The following WSCD2 variants were observed in gnomAD, a reference collection of about 807,000 sequenced individuals.
The protein encoded by WSCD2 is sialate:O-sulfotransferase 2.
WSCD2 carries 28 observed loss-of-function variants against 55.7 expected under a neutral mutation model. The ratio of observed to expected loss-of-function variants is 0.50; its 90% CI spans 0.37 to 0.69. The LOEUF (loss-of-function observed/expected upper bound fraction) is 0.69, where lower values mean the gene tolerates loss of function less well. Ranked by LOEUF, WSCD2 falls within the 30% of genes least tolerant of loss-of-function variation. The probability of loss-of-function intolerance (pLI) is 0.00; values close to 1 mark genes in which losing one functional copy is unlikely to be tolerated. For missense variants in WSCD2, 616 were observed against 762.1 expected, an observed-to-expected ratio of 0.81 and a Z score of 2.26; for synonymous variants, 301 against 301.9, an observed-to-expected ratio of 1.00 and a Z score of 0.03.
At chr12:108,229,148 C>G (rs1190149541) in intron 6 of WSCD2, among the ~76,000 whole-genome samples, 1 of 152,174 alleles carries the variant, frequency 6.6e-6, no homozygotes, top group Non-Finnish European at 1.5e-5. Flanking sequence ...GGAGGTTTGA[C>G]AGTTATGTGG....
chr12:108,220,211 TCTCTTCTTTATAATG>T (rs1261863610), intron 4 of WSCD2, among the ~76,000 whole-genome samples: 3 of 152,252 alleles, frequency 2.0e-5, no homozygotes, highest in Non-Finnish European at 4.4e-5. Flanking sequence ...GCACCTGTTT[TCTCTTCTTTATAATG>T]GAGAGAATGA....
At chr12:108,211,283 A>C (rs1159987233) in intron 4 of WSCD2, among the ~76,000 whole-genome samples, 1 of 152,256 alleles carries the variant, frequency 6.6e-6, no homozygotes, top group Non-Finnish European at 1.5e-5. Context: ...GGACAGAAGC[A>C]GAAATCCACA....
At chr12:108,192,269 G>T (rs982698902) in intron 1 of WSCD2, among the ~76,000 whole-genome samples, 7 of 152,194 alleles carry the variant, frequency 4.6e-5, no homozygotes, top group Non-Finnish European at 8.8e-5. Flanking sequence ...TTTTAGGGGA[G>T]AAGTCAAGAT....
chr12:108,219,582 C>T (rs1028184248), intron 4 of WSCD2, among the ~76,000 whole-genome samples: 1 of 152,222 alleles, frequency 6.6e-6, no homozygotes, highest in Non-Finnish European at 1.5e-5. Flanking sequence ...AATGCACAGA[C>T]ACACACAAAC....
chr12:108,133,857 A>G (rs1353598476), intron 1 of WSCD2, among the ~76,000 whole-genome samples: 1 of 152,232 alleles, frequency 6.6e-6, no homozygotes, highest in East Asian at 1.9e-4. Flanking sequence ...GTATAATTTT[A>G]GGCAGAAGGT....
chr12:108,138,509 T>C (rs949572025), intron 1 of WSCD2, among the ~76,000 whole-genome samples: 5 of 152,172 alleles, frequency 3.3e-5, no homozygotes, highest in African/African-American at 1.2e-4. Context: ...ATGGCAATAA[T>C]ACCTACCTCA....
Position 108,142,542 on chromosome 12 carries a change from G to A in WSCD2, c.-552+12616G>A, listed in dbSNP as rs192004247. ...TGGATAATTTACTTCAATCTCCTTG[G>A]CCTCTGATTCCTCATATACATGAGT... On this transcript the variant is annotated intron_variant, in intron 1 of 8. Coordinates refer to ENST00000547525, the MANE Select transcript of WSCD2 (RefSeq NM_014653.4). 3.9e-5 allele frequency among the ~76,000 whole-genome samples: 6 copies of A among 152,264 alleles called. No individual in the cohort carries two copies. The East Asian group carries it at 9.6e-4, about 24-fold the overall frequency.
chr12:108,142,747 A>G (rs1421429461), intron 1 of WSCD2, among the ~76,000 whole-genome samples: 1 of 152,066 alleles, frequency 6.6e-6, no homozygotes, highest in Non-Finnish European at 1.5e-5. Context: ...GACATCTTAC[A>G]GGTCTCTCTT....
At chr12:108,235,711 T>G (rs1889201527) in intron 7 of WSCD2, among the ~76,000 whole-genome samples, 1 of 152,190 alleles carries the variant, frequency 6.6e-6, no homozygotes, top group South Asian at 2.1e-4. Context: ...AGTTACTGGA[T>G]GTTTCCTTCA....
At chr12:108,159,247 CT>C (rs1378984893) in intron 1 of WSCD2, among the ~76,000 whole-genome samples, 1 of 152,212 alleles carries the variant, frequency 6.6e-6, no homozygotes, top group Non-Finnish European at 1.5e-5. Flanking sequence ...GTCCTTGCTG[CT>C]TCCCCATCAC....
chr12:108,232,503 T>C (rs1888878781), intron 6 of WSCD2, among the ~76,000 whole-genome samples: 1 of 152,072 alleles, frequency 6.6e-6, no homozygotes, highest in African/African-American at 2.4e-5. Flanking sequence ...CTTTCCATCA[T>C]TATCCCATTT....
At chr12:108,140,337 G>A (rs1876661508) in intron 1 of WSCD2, among the ~76,000 whole-genome samples, 1 of 152,220 alleles carries the variant, frequency 6.6e-6, no homozygotes, top group Non-Finnish European at 1.5e-5. Flanking sequence ...CATAATGATT[G>A]TGATTGGGTG....
rs1243671786 is a variant in WSCD2, at chr12:108,248,654, G to A, written c.*311G>A. 7.2e-6 allele frequency: 8 copies of A among 1,104,542 alleles called. No homozygotes were observed. The highest frequency in any genetic ancestry group is 8.9e-6 in the Non-Finnish European group (8 of 902,770). 68.4% of individuals were successfully genotyped at this position (1,104,542 alleles called of 1,614,324 possible). A position where few individuals can be genotyped will look rare whatever the true frequency, so the allele number is the denominator to read the frequency against. ...CCCACCACTCTGGGTTCCATTTGTG[G>A]GAGGGAGGGCTCATCCACATCATGG... On this transcript the variant is annotated 3_prime_UTR_variant, in exon 9 of 9. Transcript: ENST00000547525. The surrounding 1 kb of genome is among the most constrained non-coding windows in gnomAD (Gnocchi z 4.3).
rs1018717291 is a variant in WSCD2 at position 108,249,983 on chromosome 12, G to T, written c.*1640G>T. On this transcript the variant is annotated 3_prime_UTR_variant, in exon 9 of 9. Transcript: ENST00000547525. ...GGGTTGGCCTCCCTTCTACTGGGAG[G>T]TTGACTCTCTCTGGGAGACTCTTGG... 1 of 152,582 alleles carries T rather than the reference G, an allele frequency of 6.6e-6. No homozygotes were observed. The highest frequency in any genetic ancestry group is 6.5e-5 in the Admixed American group (1 of 15,280). 9.5% of individuals were successfully genotyped at this position (152,582 alleles called of 1,614,324 possible). A position where few individuals can be genotyped will look rare whatever the true frequency, so the allele number is the denominator to read the frequency against.
At chr12:108,193,454 A>T (rs1026288587) in intron 1 of WSCD2, among the ~76,000 whole-genome samples, 1 of 151,982 alleles carries the variant, frequency 6.6e-6, no homozygotes, top group Non-Finnish European at 1.5e-5. Context: ...ATGGGTGGAG[A>T]GTTGGATGGA....
At chr12:108,237,590 A>G (rs1471112558) in intron 7 of WSCD2, among the ~76,000 whole-genome samples, 1 of 152,210 alleles carries the variant, frequency 6.6e-6, no homozygotes, top group Admixed American at 6.5e-5. Flanking sequence ...CAATTGAGCA[A>G]CTATCTGTTG....
chr12:108,224,441 G>A (rs1289306327), intron 4 of WSCD2, among the ~76,000 whole-genome samples: 3 of 152,208 alleles, frequency 2.0e-5, no homozygotes, highest in Non-Finnish European at 4.4e-5. Flanking sequence ...TGAGGCATGG[G>A]AATCTGACAA....
chr12:108,162,305 T>C (rs576817148), intron 1 of WSCD2, among the ~76,000 whole-genome samples: 3 of 152,264 alleles, frequency 2.0e-5, no homozygotes, highest in African/African-American at 7.2e-5. Flanking sequence ...ATCCTGCCTG[T>C]TCATAGGGAG....
In WSCD2 at chr12:108,227,902, G is replaced by A. The variant is rs986301199; in HGVS notation, c.979+738G>A. Among the ~76,000 whole-genome samples, 12 of 152,304 alleles carry A rather than the reference G, an allele frequency of 7.9e-5. No individual in the cohort carries two copies. The South Asian group carries it at 1.7e-3, about 21-fold the overall frequency. On this transcript the variant is annotated intron_variant, in intron 6 of 8. Transcript: ENST00000547525. ...GTGATGATGACGATGATGGTGATGAGAAGGAGGAAGAGGAGGAGGCAGCAA... is the reference window on the plus strand; with the variant it reads ...GTGATGATGACGATGATGGTGATGAAAAGGAGGAAGAGGAGGAGGCAGCAA...
Sources: gnomAD v4.1 joint callset for allele counts (sites outside exome capture counted in the v4.1 genomes callset) on GRCh38, gnomAD v4.1.1 for gene constraint, Gnocchi (gnomAD v3.1) non-coding constraint, MANE v1.5 for transcripts, NCBI Gene and HGNC (gene_info 2026-07-23, HGNC 2026-07-21) for gene names.